PTPRK: variants seen among roughly 807,000 people sequenced by gnomAD.
The protein encoded by PTPRK is protein tyrosine phosphatase receptor type K, also known as receptor-type tyrosine-protein phosphatase kappa.
Under a neutral mutation model 178.0 loss-of-function variants are expected in PTPRK, and 75 were observed. The observed-to-expected ratio is 0.42, with a 90% CI of 0.35 to 0.51. The LOEUF (loss-of-function observed/expected upper bound fraction) is 0.51, where lower values mean the gene tolerates loss of function less well. Among genes scored for constraint, PTPRK ranks in the 20% least tolerant of loss-of-function variants. PTPRK has a pLI of 0.02. For synonymous variants in PTPRK, 637 were observed against 620.6 expected (o/e 1.03, Z -0.39); for missense variants, 1,441 against 1,797.8 (o/e 0.80, Z 3.59).
chr6:128,074,566 G>GTC, intron 11 of PTPRK, among the ~76,000 whole-genome samples: 1 of 152,156 alleles, frequency 6.6e-6, no homozygotes, highest in East Asian at 1.9e-4. Context: ...ACACAGTAAT[G>GTC]ATTGTCAAGT....
intron 3 of PTPRK, among the ~76,000 whole-genome samples, chr6:128,262,925 T>A (rs1347398090): frequency 6.7e-6 from 1 of 150,276 alleles, no homozygotes; most frequent in Non-Finnish European, 1.5e-5. Context: ...GGGCCAATTT[T>A]CCTTGAGTGT....
At chr6:128,007,954 T>C (rs1778619416) in intron 14 of PTPRK, 1 of 894,278 alleles carries the variant, frequency 1.1e-6, no homozygotes, top group South Asian at 1.4e-5. Context: ...TGATGTATTT[T>C]CCAACCACAG....
At chr6:128,509,987 A>G (rs1856933452) in intron 1 of PTPRK, among the ~76,000 whole-genome samples, 1 of 152,220 alleles carries the variant, frequency 6.6e-6, no homozygotes, top group Non-Finnish European at 1.5e-5. Flanking sequence ...AAATTATTAC[A>G]AACTTCATCA....
chr6:128,146,023 C>T (rs1455485119), intron 7 of PTPRK, among the ~76,000 whole-genome samples: 1 of 152,162 alleles, frequency 6.6e-6, no homozygotes, highest in Non-Finnish European at 1.5e-5. Context: ...TGCAATCTCA[C>T]TTACATCTGG....
chr6:128,104,295 C>T (rs1449790756), intron 7 of PTPRK, among the ~76,000 whole-genome samples: 1 of 152,056 alleles, frequency 6.6e-6, no homozygotes, highest in East Asian at 1.9e-4. Flanking sequence ...GGTGCGATCT[C>T]GGCTCACTGC....
At chr6:128,142,224 A>T (rs1454858439) in intron 7 of PTPRK, among the ~76,000 whole-genome samples, 1 of 152,016 alleles carries the variant, frequency 6.6e-6, no homozygotes, top group East Asian at 1.9e-4. Flanking sequence ...AGAGAGCAGA[A>T]GCCTTTCAGA....
At chr6:128,257,243 G>C (rs1817485306) in intron 3 of PTPRK, among the ~76,000 whole-genome samples, 1 of 148,668 alleles carries the variant, frequency 6.7e-6, no homozygotes, top group South Asian at 2.1e-4. Context: ...AAAAAAAAAA[G>C]ACACCTGGGA....
chr6:128,512,587 C>T (rs1456781237), intron 1 of PTPRK, among the ~76,000 whole-genome samples: 1 of 152,136 alleles, frequency 6.6e-6, no homozygotes, highest in African/African-American at 2.4e-5. Flanking sequence ...CTTACAGGCT[C>T]ATTAATAAGA....
intron 3 of PTPRK, among the ~76,000 whole-genome samples, chr6:128,270,279 G>A (rs140802283): frequency 6.6e-6 from 1 of 152,020 alleles, no homozygotes; most frequent in Non-Finnish European, 1.5e-5. Flanking sequence ...TATATTCTAA[G>A]TCCTCTCCTA....
intron 7 of PTPRK, among the ~76,000 whole-genome samples, chr6:128,168,381 G>T (rs145589591): frequency 6.6e-6 from 1 of 152,014 alleles, no homozygotes; most frequent in Admixed American, 6.6e-5. Context: ...AAAATGAAAA[G>T]GATAACTATC....
intron 16 of PTPRK, among the ~76,000 whole-genome samples, chr6:127,997,375 T>A (rs572325458): frequency 6.6e-6 from 1 of 152,178 alleles, no homozygotes; most frequent in South Asian, 2.1e-4. Flanking sequence ...CATTTAGCAT[T>A]TATAACAGTA....
chr6:128,283,083 C>A (rs367833162), intron 3 of PTPRK, among the ~76,000 whole-genome samples: 52 of 152,262 alleles, frequency 3.4e-4, no homozygotes, highest in African/African-American at 1.2e-3. Context: ...TTTCCCGCAG[C>A]AAAGTGTCCT....
At chr6:128,119,964 A>T (rs1486517368) in intron 7 of PTPRK, among the ~76,000 whole-genome samples, 1 of 151,936 alleles carries the variant, frequency 6.6e-6, no homozygotes, top group Non-Finnish European at 1.5e-5. Context: ...TTGTATTAAA[A>T]ATAAGGTTAA....
chr6:128,164,068 ACTCCTTCTC>A (rs1799052565), intron 7 of PTPRK, among the ~76,000 whole-genome samples: 1 of 150,958 alleles, frequency 6.6e-6, no homozygotes, highest in Non-Finnish European at 1.5e-5. Flanking sequence ...CAAATCCCTC[ACTCCTTCTC>A]ATTTTCTTCT....
At chr6:128,343,521 G>T (rs1478873130) in intron 2 of PTPRK, among the ~76,000 whole-genome samples, 3 of 146,354 alleles carry the variant, frequency 2.0e-5, no homozygotes, top group African/African-American at 7.5e-5. Flanking sequence ...AAAAAGAAAA[G>T]AAAAAAGAAT....
intron 7 of PTPRK, among the ~76,000 whole-genome samples, chr6:128,160,791 C>G (rs1798600696): frequency 6.6e-6 from 1 of 151,200 alleles, no homozygotes; most frequent in Non-Finnish European, 1.5e-5. Flanking sequence ...TTTATATTGA[C>G]AAATAAAAAC....
chr6:128,075,149 CCA>C (rs1356136251), intron 11 of PTPRK, among the ~76,000 whole-genome samples: 2 of 152,024 alleles, frequency 1.3e-5, no homozygotes, highest in Non-Finnish European at 2.9e-5. Context: ...TATGTAGGAG[CCA>C]CAGTCTTACC....
intron 7 of PTPRK, among the ~76,000 whole-genome samples, chr6:128,135,852 T>C (rs574684758): frequency 6.6e-6 from 1 of 151,080 alleles, no homozygotes; most frequent in South Asian, 2.1e-4. Context: ...AAAATAAAAA[T>C]AATAAAAAAA....
chr6:128,324,717 G>A (rs1207169775), intron 2 of PTPRK, among the ~76,000 whole-genome samples: 1 of 152,108 alleles, frequency 6.6e-6, no homozygotes, highest in Non-Finnish European at 1.5e-5. Context: ...GTTCCAGAAA[G>A]GAGGAAGAAA....
Sources: allele counts gnomAD v4.1 joint callset (sites outside exome capture counted in the v4.1 genomes callset), GRCh38; gene constraint gnomAD v4.1.1; transcripts MANE v1.5; gene names NCBI Gene and HGNC (gene_info 2026-07-23, HGNC 2026-07-21).